The following THSD4 variants were observed in gnomAD, a reference collection of about 807,000 sequenced individuals.
THSD4 encodes thrombospondin type-1 domain-containing protein 4.
THSD4 carries 69 observed loss-of-function variants against 119.0 expected under a neutral mutation model. That is an observed-to-expected ratio of 0.58 (90% CI 0.48 to 0.71). The LOEUF is 0.71. Among genes scored for constraint, THSD4 ranks in the 30% least tolerant of loss-of-function variants. The probability of loss-of-function intolerance (pLI) is 0.00; values close to 1 mark genes in which losing one functional copy is unlikely to be tolerated. For synonymous variants in THSD4, 524 were observed against 540.4 expected, an observed-to-expected ratio of 0.97 and a Z score of 0.42; for missense variants, 1,393 against 1,391.1, an observed-to-expected ratio of 1.00 and a Z score of -0.02.
rs2044622461 is a variant in THSD4 at position 71,279,054 on chromosome 15, T to C, written c.1015+22339T>C. On this transcript the variant is annotated intron_variant, in intron 6 of 17. Coordinates refer to ENST00000261862, the MANE Select transcript of THSD4 (RefSeq NM_024817.3). ...CAGATTTCAACAGGACAGTGGAACG[T>C]TTGGTTTGAGGAAACTTTGAGTACA... is the stretch of plus-strand genomic sequence containing the variant. Among the ~76,000 whole-genome samples, 4 of 152,224 alleles carry C rather than the reference T, an allele frequency of 2.6e-5. No homozygotes were observed. The South Asian group carries it at 8.3e-4, about 32-fold the overall frequency.
intron 6 of THSD4, among the ~76,000 whole-genome samples, chr15:71,372,178 G>C (rs924284038): frequency 3.9e-5 from 6 of 152,170 alleles, no homozygotes; most frequent in Admixed American, 6.5e-5. Flanking sequence ...TTAGCCATTT[G>C]TCTAATCTTT....
At position 71,522,412 on chromosome 15, in the gene THSD4, G is replaced by T. The variant is rs570045153; in HGVS notation, c.1152+110589G>T. 5.6e-4 allele frequency among the ~76,000 whole-genome samples: 85 copies of T among 152,294 alleles called. No homozygotes were observed. The Middle Eastern group carries it at 0.024, about 43-fold the overall frequency. ...TCCCCAGTCCAGGGCATGCACAGTTGTGGACAGATCATAGAAGACAGCTTC... is the reference window on the plus strand; with the variant it reads ...TCCCCAGTCCAGGGCATGCACAGTTTTGGACAGATCATAGAAGACAGCTTC... On this transcript the variant is annotated intron_variant, in intron 7 of 17. Coordinates refer to ENST00000261862, the MANE Select transcript of THSD4 (RefSeq NM_024817.3).
At chr15:71,506,243 G>GT (rs1321395634) in intron 7 of THSD4, among the ~76,000 whole-genome samples, 1 of 152,074 alleles carries the variant, frequency 6.6e-6, no homozygotes, top group African/African-American at 2.4e-5. Flanking sequence ...CCAGGTTTGT[G>GT]TTTTTTGGTT....
At chr15:71,262,986 T>A (rs2044418783) in intron 6 of THSD4, among the ~76,000 whole-genome samples, 1 of 151,972 alleles carries the variant, frequency 6.6e-6, no homozygotes, top group African/African-American at 2.4e-5. Context: ...AGTTCAGCGG[T>A]ACATGTGCAG....
chr15:71,506,025 T>C (rs544519836), intron 7 of THSD4, among the ~76,000 whole-genome samples: 1 of 152,334 alleles, frequency 6.6e-6, no homozygotes, highest in East Asian at 1.9e-4. Flanking sequence ...CGAACATGTT[T>C]TCTAAATGTG....
chr15:71,595,775 A>G (rs80170009), intron 7 of THSD4, among the ~76,000 whole-genome samples: 2,854 of 152,302 alleles, frequency 0.019, 80 homozygotes, highest in African/African-American at 0.064. Context: ...TGCTAGTTCA[A>G]CGCCCTCCAT....
intron 4 of THSD4, among the ~76,000 whole-genome samples, chr15:71,219,166 A>G (rs2043956416): frequency 1.3e-5 from 2 of 152,214 alleles, no homozygotes; most frequent in South Asian, 4.1e-4. Context: ...CCAATGGAAC[A>G]GTGGTTTTCA....
At chr15:71,405,371 G>A (rs1387580376) in intron 6 of THSD4, among the ~76,000 whole-genome samples, 2 of 152,272 alleles carry the variant, frequency 1.3e-5, no homozygotes, top group African/African-American at 4.8e-5. Flanking sequence ...ACATTTTGAG[G>A]AACTGCCATA....
chr15:71,768,848 G>T (rs1405177059), intron 16 of THSD4, among the ~76,000 whole-genome samples: 7 of 150,150 alleles, frequency 4.7e-5, no homozygotes, highest in Admixed American at 4.0e-4. Context: ...AAAGTGCTGG[G>T]ATTGCAGATG....
intron 6 of THSD4, among the ~76,000 whole-genome samples, chr15:71,298,611 T>G (rs2044899349): frequency 1.1e-5 from 1 of 91,794 alleles, no homozygotes; most frequent in Non-Finnish European, 2.3e-5. Flanking sequence ...GTGCTGACTT[T>G]TTTTTTTTTT....
chr15:71,205,593 T>C (rs1256098781), intron 3 of THSD4, among the ~76,000 whole-genome samples: 1 of 152,212 alleles, frequency 6.6e-6, no homozygotes, highest in Admixed American at 6.5e-5. Context: ...TTTGTAGAAC[T>C]CATTTACATA....
At chr15:71,466,022 T>C (rs2047494122) in intron 7 of THSD4, among the ~76,000 whole-genome samples, 1 of 152,118 alleles carries the variant, frequency 6.6e-6, no homozygotes, top group African/African-American at 2.4e-5. Flanking sequence ...ATCCTCCTTT[T>C]CTCCCCTTCT....
At chr15:71,377,616 G>A (rs995626169) in intron 6 of THSD4, among the ~76,000 whole-genome samples, 1 of 152,026 alleles carries the variant, frequency 6.6e-6, no homozygotes, top group South Asian at 2.1e-4. Context: ...AGGAGAAAGA[G>A]GGCGGGCGTG....
At chr15:71,516,625 C>T (rs899623767) in intron 7 of THSD4, among the ~76,000 whole-genome samples, 1 of 152,220 alleles carries the variant, frequency 6.6e-6, no homozygotes, top group African/African-American at 2.4e-5. Context: ...TATTTGCACA[C>T]TGTCTTCACA....
At chr15:71,144,531 G>A (rs2040637760) in intron 2 of THSD4, among the ~76,000 whole-genome samples, 1 of 152,088 alleles carries the variant, frequency 6.6e-6, no homozygotes, top group South Asian at 2.1e-4. Context: ...GAGAAAACAG[G>A]TTAAAATTAG....
chr15:71,729,001 A>G (rs955373828), intron 9 of THSD4: 79 of 456,112 alleles, frequency 1.7e-4, no homozygotes, highest in Non-Finnish European at 2.7e-4. Flanking sequence ...ACCAAATCAG[A>G]GGCAAAACAT....
intron 6 of THSD4, among the ~76,000 whole-genome samples, chr15:71,393,207 G>T (rs2046399088): frequency 6.6e-6 from 1 of 151,556 alleles, no homozygotes; most frequent in South Asian, 2.1e-4. Context: ...AAATAGTGGT[G>T]GAGGGGCCCG....
chr15:71,626,282 C>G (rs1316609897), intron 7 of THSD4, among the ~76,000 whole-genome samples: 4 of 152,072 alleles, frequency 2.6e-5, no homozygotes, highest in African/African-American at 4.8e-5. Flanking sequence ...CAATGGCAAC[C>G]TTTTCTCATG....
At chr15:71,570,973 C>T (rs1041783386) in intron 7 of THSD4, among the ~76,000 whole-genome samples, 6 of 152,156 alleles carry the variant, frequency 3.9e-5, no homozygotes, top group African/African-American at 1.2e-4. Context: ...CTCTGTGGAT[C>T]ATTGAACCTT....
Sources: gnomAD v4.1 joint callset for allele counts (sites outside exome capture counted in the v4.1 genomes callset) on GRCh38, gnomAD v4.1.1 for gene constraint, MANE v1.5 for transcripts, NCBI Gene and HGNC (gene_info 2026-07-23, HGNC 2026-07-21) for gene names.